Variants in ELMO1 observed in about 807,000 individuals in gnomAD.
ELMO1 encodes engulfment and cell motility protein 1.
Under a neutral mutation model 98.9 loss-of-function variants are expected in ELMO1, and 26 were observed. The ratio of observed to expected loss-of-function variants is 0.26; its 90% CI spans 0.19 to 0.36. The LOEUF is 0.36. Among genes scored for constraint, ELMO1 ranks in the 10% least tolerant of loss-of-function variants. The pLI is 1.00. For missense variants in ELMO1, 627 were observed against 935.2 expected, an observed-to-expected ratio of 0.67 and a Z score of 4.30; for synonymous variants, 346 against 346.0, an observed-to-expected ratio of 1.00 and a Z score of 0.00.
intron 4 of ELMO1, among the ~76,000 whole-genome samples, chr7:37,293,814 ATCATAATCAATTTCAT>A (rs1193502215): frequency 7.4e-5 from 11 of 148,156 alleles, no homozygotes; most frequent in African/African-American, 2.2e-4. Context: ...ACTTTTTTCT[ATCATAATCAATTTCAT>A]TCCTGGGTTT....
At chr7:37,418,960 G>C (rs571954893) in intron 1 of ELMO1, among the ~76,000 whole-genome samples, 1 of 152,220 alleles carries the variant, frequency 6.6e-6, no homozygotes, top group East Asian at 1.9e-4. Context: ...GAGGGAAGAA[G>C]AGCACCCAGC....
chr7:37,336,452 T>C (rs1800414303), intron 2 of ELMO1, among the ~76,000 whole-genome samples: 1 of 152,158 alleles, frequency 6.6e-6, no homozygotes, highest in Non-Finnish European at 1.5e-5. Flanking sequence ...TGATGGGAAC[T>C]GTTGTTATGT....
chr7:37,063,582 T>C (rs1796780518), intron 15 of ELMO1, among the ~76,000 whole-genome samples: 1 of 152,200 alleles, frequency 6.6e-6, no homozygotes, highest in African/African-American at 2.4e-5. Flanking sequence ...TATTATTTAA[T>C]AGTAAGTGTT....
At chr7:37,438,315 C>T (rs992857353) in intron 1 of ELMO1, among the ~76,000 whole-genome samples, 9 of 151,136 alleles carry the variant, frequency 6.0e-5, no homozygotes, top group African/African-American at 1.2e-4. Context: ...GGGCCGGGCG[C>T]GGTGGCTCAT....
intron 13 of ELMO1, among the ~76,000 whole-genome samples, chr7:37,136,208 A>T (rs182463823): frequency 2.6e-5 from 4 of 152,330 alleles, no homozygotes; most frequent in Admixed American, 6.5e-5. Flanking sequence ...AAAAGCCTCC[A>T]AGAAGTATGG....
chr7:37,056,368 C>T (rs1185567384), intron 15 of ELMO1, among the ~76,000 whole-genome samples: 1 of 152,168 alleles, frequency 6.6e-6, no homozygotes, highest in Non-Finnish European at 1.5e-5. Flanking sequence ...GAGCACCATC[C>T]TTTAGAATTC....
chr7:37,231,352 C>T (rs960296460), intron 8 of ELMO1, among the ~76,000 whole-genome samples: 3 of 150,716 alleles, frequency 2.0e-5, no homozygotes, highest in South Asian at 4.2e-4. Context: ...AAAAGCAGCA[C>T]GTTTACAGTG....
intron 4 of ELMO1, among the ~76,000 whole-genome samples, chr7:37,289,368 T>A (rs1797561367): frequency 6.6e-6 from 1 of 152,176 alleles, no homozygotes; most frequent in Admixed American, 6.5e-5. Flanking sequence ...AAGCATTTTT[T>A]AAAAGAGAGA....
intron 4 of ELMO1, among the ~76,000 whole-genome samples, chr7:37,277,744 A>C (rs1796921164): frequency 6.6e-6 from 1 of 152,196 alleles, no homozygotes; most frequent in Non-Finnish European, 1.5e-5. Context: ...CTGGGCTGAG[A>C]ATAGAAACCA....
At chr7:37,138,984 T>C (rs1228974617) in intron 13 of ELMO1, among the ~76,000 whole-genome samples, 3 of 152,212 alleles carry the variant, frequency 2.0e-5, no homozygotes, top group African/African-American at 2.4e-5. Context: ...CATATGATCA[T>C]CTCAACAGAT....
At chr7:37,304,352 T>G (rs1798493980) in intron 4 of ELMO1, among the ~76,000 whole-genome samples, 1 of 151,542 alleles carries the variant, frequency 6.6e-6, no homozygotes, top group Non-Finnish European at 1.5e-5. Context: ...TGTGTGAGGG[T>G]GTGTGTGTGT....
intron 17 of ELMO1, among the ~76,000 whole-genome samples, chr7:36,888,000 C>G (rs1805187845): frequency 6.6e-6 from 1 of 152,192 alleles, no homozygotes; most frequent in Non-Finnish European, 1.5e-5. Context: ...ATCCATTCAG[C>G]ACTGCTAAGA....
intron 4 of ELMO1, among the ~76,000 whole-genome samples, chr7:37,301,447 T>A (rs1327096333): frequency 6.6e-6 from 1 of 152,160 alleles, no homozygotes; most frequent in Non-Finnish European, 1.5e-5. Context: ...TGTTTTGTAG[T>A]ATTTCTCCCC....
intron 13 of ELMO1, among the ~76,000 whole-genome samples, chr7:37,167,467 C>A (rs6955062): frequency 7.0e-6 from 1 of 143,588 alleles, no homozygotes; most frequent in South Asian, 2.3e-4. Flanking sequence ...GATTTTGCAG[C>A]GGCTGGTACC....
chr7:37,439,796 C>A (rs901329540), intron 1 of ELMO1, among the ~76,000 whole-genome samples: 2 of 152,132 alleles, frequency 1.3e-5, no homozygotes, highest in African/African-American at 4.8e-5. Flanking sequence ...GAGTCAAAGT[C>A]GCTTCCTGGC....
chr7:37,333,141 A>G lies in ELMO1; in HGVS notation c.78+9472T>C, dbSNP rs536014412. On this transcript the variant is annotated intron_variant, in intron 2 of 21. Coordinates refer to ENST00000310758, the MANE Select transcript of ELMO1 (RefSeq NM_014800.11). The stretch of plus-strand genomic sequence containing the variant: ...ATTTTATTTGCTAGAGGCTGCTCTC[A>G]TTTCCTTGGAGTTCTGGACACACTG... Among the ~76,000 whole-genome samples the G allele has an allele frequency of 6.6e-5, 10 of 152,298 alleles. No homozygotes were observed. In the South Asian group the frequency reaches 1.0e-3, roughly 16 times the overall value.
intron 1 of ELMO1, among the ~76,000 whole-genome samples, chr7:37,406,231 T>C (rs1583699692): frequency 6.6e-6 from 1 of 151,592 alleles, no homozygotes; most frequent in African/African-American, 2.4e-5. Context: ...AAATCTGCAG[T>C]TGGTGCAAGG....
At chr7:37,039,359 C>A (rs962776432) in intron 15 of ELMO1, among the ~76,000 whole-genome samples, 1 of 152,150 alleles carries the variant, frequency 6.6e-6, no homozygotes, top group African/African-American at 2.4e-5. Flanking sequence ...TGACTGCAGG[C>A]CATGAGGAGG....
chr7:37,216,494 A>G (rs755515144), intron 11 of ELMO1, 151 bp downstream of exon 11: 59 of 918,824 alleles, frequency 6.4e-5, no homozygotes, highest in Non-Finnish European at 9.5e-5. Flanking sequence ...TCCAATTCCA[A>G]AAACTCACTT....
Sources: gnomAD v4.1 joint callset for allele counts (sites outside exome capture counted in the v4.1 genomes callset) on GRCh38, gnomAD v4.1.1 for gene constraint, MANE v1.5 for transcripts, NCBI Gene and HGNC (gene_info 2026-07-23, HGNC 2026-07-21) for gene names.